Variants in NCAM1 observed in about 807,000 individuals in gnomAD.
The protein encoded by NCAM1 is antigen recognized by monoclonal antibody 5.1H11.
NCAM1 carries 14 observed loss-of-function variants against 109.8 expected under a neutral mutation model. The ratio of observed to expected loss-of-function variants is 0.13; its 90% CI spans 0.08 to 0.20. NCAM1 has a LOEUF of 0.20. NCAM1 is among the 10% of genes least tolerant of loss of function. NCAM1 has a pLI of 1.00. For missense variants in NCAM1, 774 were observed against 1,109.9 expected, an observed-to-expected ratio of 0.70 and a Z score of 4.30; for synonymous variants, 418 against 442.9, an observed-to-expected ratio of 0.94 and a Z score of 0.70.
At chr11:113,238,953 G>A (rs1555118758) in intron 14 of NCAM1, among the ~76,000 whole-genome samples, 1 of 152,210 alleles carries the variant, frequency 6.6e-6, no homozygotes. Flanking sequence ...ATTTGGCACT[G>A]ACTCATCGCT....
At chr11:113,175,367 G>A (rs1555106856) in intron 1 of NCAM1, among the ~76,000 whole-genome samples, 1 of 152,236 alleles carries the variant, frequency 6.6e-6, no homozygotes, top group Non-Finnish European at 1.5e-5. Context: ...AATTTGGAAA[G>A]CAGTTGAATT....
At chr11:113,099,086 G>A (rs558052895) in intron 1 of NCAM1, among the ~76,000 whole-genome samples, 2 of 152,260 alleles carry the variant, frequency 1.3e-5, no homozygotes, top group African/African-American at 2.4e-5. Flanking sequence ...GAAGGTAGGC[G>A]CTATTACTTT....
chr11:113,056,980 A>G (rs556445686), intron 1 of NCAM1, among the ~76,000 whole-genome samples: 1 of 152,328 alleles, frequency 6.6e-6, no homozygotes, highest in East Asian at 1.9e-4. Flanking sequence ...ATCCACTACA[A>G]TGCCAGGCTT....
chr11:113,045,572 A>G (rs1244344149), intron 1 of NCAM1, among the ~76,000 whole-genome samples: 1 of 152,192 alleles, frequency 6.6e-6, no homozygotes, highest in African/African-American at 2.4e-5. Flanking sequence ...AAGCAATAGA[A>G]CACACAGAAC....
At chr11:113,006,687 T>A (rs9919558) in intron 1 of NCAM1, among the ~76,000 whole-genome samples, 68,015 of 151,344 alleles carry the variant, frequency 0.45, 16,075 homozygotes, top group East Asian at 0.8. Context: ...TAGTCAAAAT[T>A]GAAACACACA....
At chr11:113,006,062 C>T (rs782152582) in intron 1 of NCAM1, among the ~76,000 whole-genome samples, 1 of 152,148 alleles carries the variant, frequency 6.6e-6, no homozygotes, top group African/African-American at 2.4e-5. Context: ...CATATTGCTC[C>T]TGGCTAATAC....
intron 1 of NCAM1, among the ~76,000 whole-genome samples, chr11:113,045,520 G>C (rs1450144366): frequency 5.3e-5 from 8 of 152,240 alleles, no homozygotes; most frequent in African/African-American, 1.9e-4. Context: ...CCACATTCGC[G>C]AGCTTGCCGT....
chr11:113,049,857 A>T (rs781970923), intron 1 of NCAM1, among the ~76,000 whole-genome samples: 4 of 152,182 alleles, frequency 2.6e-5, no homozygotes, highest in Non-Finnish European at 5.9e-5. Flanking sequence ...AGGGCCATTC[A>T]GGTGGCATGG....
At chr11:113,181,688 AG>A (rs1591393108) in intron 1 of NCAM1, among the ~76,000 whole-genome samples, 1 of 149,574 alleles carries the variant, frequency 6.7e-6, no homozygotes, top group East Asian at 1.9e-4. Context: ...TAAATATTTA[AG>A]AAAAAAAAGA....
chr11:113,194,756 G>T (rs1350499393), intron 1 of NCAM1, among the ~76,000 whole-genome samples: 4 of 152,146 alleles, frequency 2.6e-5, no homozygotes, highest in African/African-American at 9.7e-5. Flanking sequence ...CTTTCAAGAG[G>T]GGTTTCCTTC....
At chr11:113,095,501 G>T (rs1195742061) in intron 1 of NCAM1, among the ~76,000 whole-genome samples, 1 of 152,182 alleles carries the variant, frequency 6.6e-6, no homozygotes, top group African/African-American at 2.4e-5. Context: ...CCATATTCAG[G>T]CCAACTCTGT....
intron 11 of NCAM1, among the ~76,000 whole-genome samples, 158 bp from the exon 12 acceptor site, chr11:113,232,560 C>A (rs1427737410): frequency 1.3e-5 from 2 of 152,134 alleles, no homozygotes; most frequent in Admixed American, 6.5e-5. Context: ...TCCCATGAGC[C>A]CCTCTGCTAT....
intron 1 of NCAM1, among the ~76,000 whole-genome samples, chr11:112,968,934 G>C (rs558690135): frequency 6.6e-6 from 1 of 152,166 alleles, no homozygotes; most frequent in Non-Finnish European, 1.5e-5. Flanking sequence ...TTCAGGAATC[G>C]TGTGGAGTTT....
At chr11:113,046,162 TCATAA>T (rs1407554359) in intron 1 of NCAM1, among the ~76,000 whole-genome samples, 2 of 152,100 alleles carry the variant, frequency 1.3e-5, no homozygotes, top group Non-Finnish European at 2.9e-5. Context: ...GAAGGCAGAG[TCATAA>T]CATTATTGAG....
intron 1 of NCAM1, among the ~76,000 whole-genome samples, chr11:113,024,269 A>C (rs1952476625): frequency 6.6e-6 from 1 of 152,226 alleles, no homozygotes; most frequent in Non-Finnish European, 1.5e-5. Flanking sequence ...TTTGTGATCT[A>C]CTGCCCTCGG....
chr11:113,035,068 T>C (rs1952829684), intron 1 of NCAM1, among the ~76,000 whole-genome samples: 1 of 152,190 alleles, frequency 6.6e-6, no homozygotes, highest in African/African-American at 2.4e-5. Flanking sequence ...TTCTTTGAAT[T>C]TGTAGAGACA....
intron 1 of NCAM1, among the ~76,000 whole-genome samples, chr11:113,146,816 C>T (rs1942034674): frequency 6.6e-6 from 1 of 151,872 alleles, no homozygotes; most frequent in Non-Finnish European, 1.5e-5. Flanking sequence ...GTTTGCCTAT[C>T]ACTGGCTGGT....
At chr11:113,263,892 T>C (rs1488577496) in intron 17 of NCAM1, 22 of 985,380 alleles carry the variant, frequency 2.2e-5, no homozygotes, top group Non-Finnish European at 2.5e-5. Context: ...GGAGGGTTAA[T>C]AAATTGGGGC....
intron 1 of NCAM1, among the ~76,000 whole-genome samples, chr11:113,020,745 C>T (rs1275055683): frequency 6.6e-6 from 1 of 151,952 alleles, no homozygotes; most frequent in Non-Finnish European, 1.5e-5. Flanking sequence ...TGGTGATGTT[C>T]TGCTGTTTAT....
Sources: allele counts gnomAD v4.1 joint callset (sites outside exome capture counted in the v4.1 genomes callset), GRCh38; gene constraint gnomAD v4.1.1; transcripts MANE v1.5; gene names NCBI Gene and HGNC (gene_info 2026-07-23, HGNC 2026-07-21).